Variants in ASCC1 observed in about 807,000 individuals in gnomAD.
ASCC1 encodes ASC-1 complex subunit P50.
In ASCC1, 35 loss-of-function variants were observed where a neutral mutation model predicts 46.6. The observed-to-expected ratio is 0.75, with a 90% CI of 0.57 to 0.99. The LOEUF (loss-of-function observed/expected upper bound fraction) is 0.99. Ranked by LOEUF, ASCC1 falls within the 50% of genes least tolerant of loss-of-function variation. The pLI, the probability that ASCC1 is intolerant of heterozygous loss-of-function variation, is 0.00. For synonymous variants in ASCC1, 143 were observed against 146.6 expected (o/e 0.98, Z 0.18); for missense variants, 376 against 428.7 (o/e 0.88, Z 1.09).
intron 5 of ASCC1, among the ~76,000 whole-genome samples, chr10:72,192,583 T>A (rs558871889): frequency 1.0e-3 from 154 of 152,310 alleles, no homozygotes; most frequent in South Asian, 1.2e-3. Flanking sequence ...AACCTCCATC[T>A]CCTGGGATCC....
intron 4 of ASCC1, among the ~76,000 whole-genome samples, chr10:72,197,939 T>C (rs545103171): frequency 4.3e-5 from 5 of 115,354 alleles, no homozygotes; most frequent in African/African-American, 2.9e-4. Context: ...ATAAATAAAG[T>C]TGAACATAGA....
chr10:72,203,091 A>C (rs1045461463), intron 4 of ASCC1, among the ~76,000 whole-genome samples: 2 of 152,136 alleles, frequency 1.3e-5, no homozygotes, highest in African/African-American at 2.4e-5. Flanking sequence ...GTTCGAGACC[A>C]GCCTGACCAA....
At chr10:72,097,585 A>C in intron 9 of ASCC1, 135 bp from the exon 10 acceptor site, 1 of 618,794 alleles carries the variant, frequency 1.6e-6, no homozygotes, top group Non-Finnish European at 2.9e-6. Context: ...TTCAGTGTTT[A>C]CTCTGAATAA....
chr10:72,183,039 A>G (rs1243048106), intron 5 of ASCC1, among the ~76,000 whole-genome samples: 1 of 151,352 alleles, frequency 6.6e-6, no homozygotes, highest in Non-Finnish European at 1.5e-5. Context: ...AATGACAAAA[A>G]ATTTCTTTTT....
chr10:72,125,855 G>A lies in ASCC1; in HGVS notation c.957+2227C>T, dbSNP rs144328651. ...TCTATTAACTATCTGTACCCCTCAC[G>A]GACTGGAAGCTCCTAGAAGGCAGGG... is the stretch of plus-strand genomic sequence containing the variant. On this transcript the variant is annotated intron_variant, in intron 9 of 9. Transcript: ENST00000672957. Among the ~76,000 whole-genome samples the A allele has an allele frequency of 1.1e-3, 175 of 152,178 alleles. 1 individual carries two copies. Among genetic ancestry groups the A allele is most frequent in the African/African-American group, 4.0e-3 (166 of 41,510 alleles).
rs751027189 is a variant in ASCC1 at position 72,213,285 on chromosome 10, C to G, written c.14G>C (p.Arg5Pro). 15 of 1,612,652 alleles carry G rather than the reference C, an allele frequency of 9.3e-6. No individual in the cohort carries two copies. The East Asian group carries it at 3.3e-4, about 36-fold the overall frequency. MEVLRPQLIRIDGRN... is the reference protein window; with the variant it reads MEVLPPQLIRIDGRN... ...GCCATCAATTCTTATAAGCTGTGGA[C>G]GCAGAACTTCCATGACACTTTCTCC... The change falls in exon 2 of 10, where the codon CGT becomes CCT. Residue 5 changes from arginine (R) to proline (P), a missense_variant. By Grantham distance (103) the Arg-to-Pro change is moderately radical (BLOSUM62 -2). Coordinates refer to ENST00000672957, the MANE Select transcript of ASCC1 (RefSeq NM_001198800.3).
At chr10:72,104,156 G>A (rs372849174) in intron 9 of ASCC1, among the ~76,000 whole-genome samples, 3 of 152,236 alleles carry the variant, frequency 2.0e-5, no homozygotes, top group African/African-American at 2.4e-5. Flanking sequence ...GTCTGAGCCC[G>A]TTGATTCCTG....
intron 1 of ASCC1, among the ~76,000 whole-genome samples, chr10:72,214,365 C>T (rs868233326): frequency 5.3e-4 from 74 of 138,644 alleles, no homozygotes; most frequent in Admixed American, 8.6e-4. Flanking sequence ...TGCACAATAT[C>T]TCTTTTTTTT....
intron 5 of ASCC1, among the ~76,000 whole-genome samples, chr10:72,178,798 C>T (rs1019520215): frequency 6.6e-6 from 1 of 152,106 alleles, no homozygotes; most frequent in Non-Finnish European, 1.5e-5. Context: ...GTAGGGTAAA[C>T]TATAACCTGA....
At chr10:72,154,981 G>A (rs901561908) in intron 6 of ASCC1, among the ~76,000 whole-genome samples, 3 of 152,044 alleles carry the variant, frequency 2.0e-5, no homozygotes, top group Admixed American at 6.6e-5. Flanking sequence ...ATTAAAAACT[G>A]ATATAAAATG....
chr10:72,203,357 C>T, intron 4 of ASCC1, 70 bp downstream of exon 4: 6 of 1,065,316 alleles, frequency 5.6e-6, no homozygotes, highest in Non-Finnish European at 8.8e-6. Flanking sequence ...CTAAACACTG[C>T]AGTTGGTTAC....
chr10:72,165,816 A>G (rs547844591), intron 5 of ASCC1, among the ~76,000 whole-genome samples: 4 of 152,348 alleles, frequency 2.6e-5, no homozygotes, highest in Non-Finnish European at 4.4e-5. Context: ...GGCCTGCCAC[A>G]TTAGAAAAGG....
intron 3 of ASCC1, 57 bp downstream of exon 3, chr10:72,210,675 T>C (rs1435444458): frequency 1.4e-6 from 2 of 1,459,754 alleles, no homozygotes; most frequent in Non-Finnish European, 1.9e-6. Flanking sequence ...AAGGGTCCAC[T>C]TCCCGCTGAG....
chr10:72,209,647 G>A (rs1331847609), intron 3 of ASCC1, among the ~76,000 whole-genome samples: 1 of 152,090 alleles, frequency 6.6e-6, no homozygotes, highest in African/African-American at 2.4e-5. Flanking sequence ...AGCCAGGCAT[G>A]GTGGTGGGCA....
intron 9 of ASCC1, among the ~76,000 whole-genome samples, chr10:72,115,423 C>G (rs547104377): frequency 6.6e-6 from 1 of 152,130 alleles, no homozygotes. Context: ...CTGTATTGGA[C>G]TTTGAAGAAC....
At chr10:72,128,188 A>C in intron 8 of ASCC1, 21 bp from the exon 9 acceptor site, 1 of 1,594,554 alleles carries the variant, frequency 6.3e-7, no homozygotes, top group South Asian at 1.1e-5. Flanking sequence ...TCCAAAGATA[A>C]TGTTAGAAGC....
chr10:72,103,766 A>C (rs886344206), intron 9 of ASCC1, among the ~76,000 whole-genome samples: 1 of 152,170 alleles, frequency 6.6e-6, no homozygotes, highest in African/African-American at 2.4e-5. Flanking sequence ...GACATAGAGC[A>C]TAGAAAAGAA....
intron 9 of ASCC1, among the ~76,000 whole-genome samples, chr10:72,105,980 G>A (rs576889282): frequency 2.0e-5 from 3 of 152,162 alleles, no homozygotes; most frequent in Middle Eastern, 3.4e-3. Context: ...CTATAGAACC[G>A]AATAAATGGC....
At position 72,119,118 on chromosome 10, in the gene ASCC1, G is replaced by A. The variant is rs74145582; in HGVS notation, c.957+8964C>T. 6.3e-3 allele frequency among the ~76,000 whole-genome samples: 965 copies of A among 152,332 alleles called. 9 individuals carry two copies. The highest frequency in any genetic ancestry group is 0.021 in the African/African-American group (889 of 41,564). Reference sequence around the variant, plus strand: ...GTGGAGTAACCTAACTGTAATTGACGAACTGCTAGAGGCTGTGTGGACAAG... The same window carrying A: ...GTGGAGTAACCTAACTGTAATTGACAAACTGCTAGAGGCTGTGTGGACAAG... On this transcript the variant is annotated intron_variant, in intron 9 of 9. Transcript: ENST00000672957.
Sources: gnomAD v4.1 joint callset for allele counts (sites outside exome capture counted in the v4.1 genomes callset) on GRCh38, gnomAD v4.1.1 for gene constraint, MANE v1.5 for transcripts, NCBI Gene and HGNC (gene_info 2026-07-23, HGNC 2026-07-21) for gene names.